The following PCDH7 variants were observed in gnomAD, a reference collection of about 807,000 sequenced individuals.
PCDH7 encodes the protein protocadherin-7.
In PCDH7, 17 loss-of-function variants were observed where a neutral mutation model predicts 58.9. The observed-to-expected ratio is 0.29, with a 90% CI of 0.20 to 0.43. The LOEUF is 0.43. Among genes scored for constraint, PCDH7 ranks in the 20% least tolerant of loss-of-function variants. The probability of loss-of-function intolerance (pLI) is 1.00; values close to 1 mark genes in which losing one functional copy is unlikely to be tolerated. For missense variants in PCDH7, 1,274 were observed against 1,441.0 expected (o/e 0.88, Z 1.88); for synonymous variants, 664 against 616.4 (o/e 1.08, Z -1.14).
intron 3 of PCDH7, among the ~76,000 whole-genome samples, chr4:31,128,390 A>G (rs1241485404): frequency 6.6e-6 from 1 of 152,110 alleles, no homozygotes; most frequent in Non-Finnish European, 1.5e-5. Flanking sequence ...AGGTTGGCAC[A>G]TTGCCTACAG....
At chr4:30,955,504 T>G (rs565140779) in intron 3 of PCDH7, among the ~76,000 whole-genome samples, 5,049 of 60,366 alleles carry the variant, frequency 0.084, 126 homozygotes, top group African/African-American at 0.12. Flanking sequence ...TTATTGTATT[T>G]TATTTTATTT....
chr4:30,766,366 A>C (rs554629270), intron 1 of PCDH7, among the ~76,000 whole-genome samples: 161 of 152,264 alleles, frequency 1.1e-3, no homozygotes, highest in Non-Finnish European at 1.6e-3. Flanking sequence ...TCCATCTAAA[A>C]AAATTTTCTT....
downstream of PCDH7, chr4:31,144,031 A>C (rs1720517903): frequency 6.6e-6 from 1 of 152,224 alleles, no homozygotes; most frequent in Non-Finnish European, 1.5e-5. Flanking sequence ...TATAGTCTTG[A>C]TAGTTAAGTC....
At chr4:30,897,338 A>G (rs1199099544) in intron 1 of PCDH7, among the ~76,000 whole-genome samples, 1 of 152,162 alleles carries the variant, frequency 6.6e-6, no homozygotes. Flanking sequence ...ATTTAACCAT[A>G]TTTAGTAAAT....
intron 3 of PCDH7, among the ~76,000 whole-genome samples, chr4:30,964,985 T>G (rs1034406202): frequency 6.6e-6 from 1 of 152,184 alleles, no homozygotes; most frequent in African/African-American, 2.4e-5. Flanking sequence ...AATTCATATT[T>G]TATGCCATGC....
chr4:31,144,316 A>G (rs1435138760), downstream of PCDH7: 1 of 152,236 alleles, frequency 6.6e-6, no homozygotes. Context: ...CATTTTTCAC[A>G]GAATGTATAT....
At chr4:31,084,269 G>T (rs1375766165) in intron 3 of PCDH7, among the ~76,000 whole-genome samples, 1 of 152,164 alleles carries the variant, frequency 6.6e-6, no homozygotes, top group Non-Finnish European at 1.5e-5. Context: ...TATACGGACA[G>T]ATTGCAGAGA....
chr4:30,989,387 G>A (rs1029441384), intron 3 of PCDH7, among the ~76,000 whole-genome samples: 3 of 152,170 alleles, frequency 2.0e-5, no homozygotes, highest in Admixed American at 1.3e-4. Context: ...TAATCTGTAA[G>A]ATATCCCAGT....
At chr4:30,808,273 A>G (rs1469328074) in intron 1 of PCDH7, among the ~76,000 whole-genome samples, 4 of 152,350 alleles carry the variant, frequency 2.6e-5, no homozygotes, top group Middle Eastern at 3.4e-3. Flanking sequence ...AATATTCGGT[A>G]ATTTTTCTTA....
chr4:30,750,983 A>C (rs1414981166), intron 1 of PCDH7, among the ~76,000 whole-genome samples: 1 of 151,792 alleles, frequency 6.6e-6, no homozygotes, highest in East Asian at 1.9e-4. Context: ...GAAGGAAAAA[A>C]ACGCAAGACT....
intron 2 of PCDH7, among the ~76,000 whole-genome samples, chr4:30,939,148 CACA>C (rs918191801): frequency 2.6e-5 from 4 of 152,120 alleles, no homozygotes; most frequent in African/African-American, 7.2e-5. Flanking sequence ...ACTGCCAATG[CACA>C]ACAACAGGTC....
intron 1 of PCDH7, among the ~76,000 whole-genome samples, chr4:30,743,701 T>C (rs1169990109): frequency 6.6e-6 from 1 of 151,786 alleles, no homozygotes; most frequent in Non-Finnish European, 1.5e-5. Flanking sequence ...CTTCAATCCT[T>C]CTTCTCAATC....
At chr4:30,828,352 T>C (rs1165610961) in intron 1 of PCDH7, among the ~76,000 whole-genome samples, 1 of 152,018 alleles carries the variant, frequency 6.6e-6, no homozygotes, top group African/African-American at 2.4e-5. Context: ...ACGAGTTTGG[T>C]TCTGGTGATT....
chr4:30,731,477 T>C (rs890639738), exon 2 of PCDH7: 1 of 152,118 alleles, frequency 6.6e-6, no homozygotes, highest in Non-Finnish European at 1.5e-5. Flanking sequence ...GATTGATTTT[T>C]TTCTTAATCT....
At chr4:30,740,121 A>T (rs2109247411) in intron 1 of PCDH7, among the ~76,000 whole-genome samples, 1 of 152,346 alleles carries the variant, frequency 6.6e-6, no homozygotes, top group Non-Finnish European at 1.5e-5. Context: ...GTAAAGTGAT[A>T]GAACTGAAGT....
intron 3 of PCDH7, among the ~76,000 whole-genome samples, chr4:30,985,176 C>G (rs185807521): frequency 2.6e-4 from 40 of 152,170 alleles, no homozygotes; most frequent in African/African-American, 9.6e-4. Flanking sequence ...AGGCTGGTCT[C>G]GAACTTGTGA....
chr4:30,727,935 T>C (rs954315614), intron 1 of PCDH7, among the ~76,000 whole-genome samples: 8 of 151,882 alleles, frequency 5.3e-5, no homozygotes, highest in African/African-American at 1.9e-4. Context: ...CACTTACAAG[T>C]AAAAATTTTA....
At chr4:30,724,365 G>A (rs977931) in exon 1 of PCDH7, 225,363 of 1,613,808 alleles carry the variant, frequency 0.14, 17,617 homozygotes, top group East Asian at 0.29. Context: ...GGCGATACAG[G>A]TCCGTTAATG....
chr4:30,861,414 CAT>C (rs35838109), intron 1 of PCDH7, among the ~76,000 whole-genome samples: 35,297 of 152,046 alleles, frequency 0.23, 4,158 homozygotes, highest in Middle Eastern at 0.25. Context: ...ATAGTAACCA[CAT>C]GAGTGAAATA....
Sources: gnomAD v4.1 joint callset for allele counts (sites outside exome capture counted in the v4.1 genomes callset) on GRCh38, gnomAD v4.1.1 for gene constraint, MANE v1.5 for transcripts, NCBI Gene and HGNC (gene_info 2026-07-23, HGNC 2026-07-21) for gene names.